Variants in FBXL13 observed in about 807,000 individuals in gnomAD.
The protein encoded by FBXL13 is F-box and leucine-rich repeat protein 13.
A neutral mutation model predicts 83.6 loss-of-function variants in FBXL13; 67 were observed. That is an observed-to-expected ratio of 0.80 (90% CI 0.66 to 0.98). The LOEUF (loss-of-function observed/expected upper bound fraction) is 0.98, where lower values mean the gene tolerates loss of function less well. Ranked by LOEUF, FBXL13 falls within the 50% of genes least tolerant of loss-of-function variation. The pLI, the probability that FBXL13 is intolerant of heterozygous loss-of-function variation, is 0.00. For synonymous variants in FBXL13, 272 were observed against 299.5 expected, an observed-to-expected ratio of 0.91 and a Z score of 0.95; for missense variants, 822 against 866.5, an observed-to-expected ratio of 0.95 and a Z score of 0.64.
At chr7:102,834,065 G>GAAGA in intron 17 of FBXL13, among the ~76,000 whole-genome samples, 1 of 111,302 alleles carries the variant, frequency 9.0e-6, no homozygotes, top group African/African-American at 4.2e-5. Context: ...AGGAAGGAAG[G>GAAGA]AAGGAAGGAA....
chr7:102,930,448 G>A (rs1247099209), intron 9 of FBXL13, among the ~76,000 whole-genome samples: 1 of 152,120 alleles, frequency 6.6e-6, no homozygotes, highest in East Asian at 1.9e-4. Context: ...ATCAGTTTAT[G>A]CCTAATGCCT....
intron 11 of FBXL13, among the ~76,000 whole-genome samples, chr7:102,885,908 C>G (rs1399996851): frequency 6.6e-6 from 1 of 152,110 alleles, no homozygotes; most frequent in Non-Finnish European, 1.5e-5. Flanking sequence ...TCTCAGCACC[C>G]TTTTCAAAAG....
At chr7:103,066,577 T>C (rs1182777148) in intron 1 of FBXL13, among the ~76,000 whole-genome samples, 1 of 151,656 alleles carries the variant, frequency 6.6e-6, no homozygotes, top group Non-Finnish European at 1.5e-5. Flanking sequence ...GTATTTTTAG[T>C]AGAGACGAGG....
exon 18 of FBXL13, chr7:102,832,946 T>C (rs1310590771): frequency 6.2e-7 from 1 of 1,614,154 alleles, no homozygotes; most frequent in Admixed American, 1.7e-5. Context: ...ATCCAAATGT[T>C]CCAAGATCAG....
intron 6 of FBXL13, among the ~76,000 whole-genome samples, chr7:103,023,733 C>T (rs1793496248): frequency 6.6e-6 from 1 of 152,152 alleles, no homozygotes. Flanking sequence ...AAATGCCCAT[C>T]AACAGTAGAC....
chr7:102,834,096 A>AGGAAG (rs1562926018), intron 17 of FBXL13, among the ~76,000 whole-genome samples: 5 of 97,098 alleles, frequency 5.1e-5, no homozygotes, highest in East Asian at 3.1e-4. Context: ...AAAAGAAAGA[A>AGGAAG]AGAAAGAAAG....
At chr7:102,988,256 C>G (rs1829204187) in intron 6 of FBXL13, 1 of 152,228 alleles carries the variant, frequency 6.6e-6, no homozygotes, top group Admixed American at 6.5e-5. Context: ...CTAGCTAGCA[C>G]TGCTTCAATG....
chr7:102,954,113 A>G (rs1042966313), intron 8 of FBXL13, among the ~76,000 whole-genome samples: 13 of 152,164 alleles, frequency 8.5e-5, no homozygotes, highest in African/African-American at 2.9e-4. Flanking sequence ...GGAAAAGCCA[A>G]AGCAGGGCAG....
At chr7:102,896,449 A>G (rs1035014176) in intron 11 of FBXL13, among the ~76,000 whole-genome samples, 2 of 152,202 alleles carry the variant, frequency 1.3e-5, no homozygotes, top group African/African-American at 2.4e-5. Context: ...TGCACTTCCT[A>G]ACAGAGTGGA....
intron 19 of FBXL13, among the ~76,000 whole-genome samples, chr7:102,819,094 C>A (rs1318010035): frequency 6.6e-6 from 1 of 152,084 alleles, no homozygotes; most frequent in Non-Finnish European, 1.5e-5. Flanking sequence ...GCTAACTATA[C>A]AATTAGTGAT....
chr7:102,995,092 G>T (rs1228453298), intron 6 of FBXL13, among the ~76,000 whole-genome samples: 1 of 152,070 alleles, frequency 6.6e-6, no homozygotes. Context: ...TCATGCTATG[G>T]TTTGAGCACT....
At chr7:102,962,293 C>T (rs1757850103) in intron 8 of FBXL13, among the ~76,000 whole-genome samples, 1 of 152,152 alleles carries the variant, frequency 6.6e-6, no homozygotes, top group African/African-American at 2.4e-5. Flanking sequence ...GAGATATCAT[C>T]TCACACTAGT....
chr7:102,824,566 A>G (rs951949128), intron 18 of FBXL13, among the ~76,000 whole-genome samples: 1 of 151,874 alleles, frequency 6.6e-6, no homozygotes, highest in Non-Finnish European at 1.5e-5. Flanking sequence ...GCTCACTGCA[A>G]CCTCTGCCTC....
At chr7:102,883,657 G>A (rs1447441907) in exon 13 of FBXL13, 6 of 1,609,638 alleles carry the variant, frequency 3.7e-6, no homozygotes, top group Middle Eastern at 1.7e-4. Flanking sequence ...AACCAGCGAT[G>A]TAATACGAGA....
chr7:102,867,695 A>ATTTTTTTT lies in FBXL13; in HGVS notation c.1635+9764_1635+9771dup, dbSNP rs1205859622. Among the ~76,000 whole-genome samples the ATTTTTTTT allele has an allele frequency of 5.3e-4, 26 of 49,066 alleles. 3 individuals are homozygous for ATTTTTTTT. Among genetic ancestry groups the ATTTTTTTT allele is most frequent in the African/African-American group, 2.9e-3 (24 of 8,158 alleles). 32.2% of individuals were successfully genotyped at this position (49,066 alleles called of 152,430 possible). A position where few individuals can be genotyped will look rare whatever the true frequency, so the allele number is the denominator to read the frequency against. ...TATATATATATATATATATATATATATTTTTTTTTTTTTTTTTTTTTTTTT... is the reference window on the plus strand; with the variant it reads ...TATATATATATATATATATATATATATTTTTTTTTTTTTTTTTTTTTTTTTTTTTTTTT... On this transcript the variant is annotated intron_variant, in intron 16 of 19. Coordinates refer to ENST00000313221, the Ensembl canonical transcript of FBXL13.
chr7:103,038,310 A>G (rs1285718353), intron 2 of FBXL13, among the ~76,000 whole-genome samples: 1 of 152,224 alleles, frequency 6.6e-6, no homozygotes, highest in Non-Finnish European at 1.5e-5. Context: ...GAGGCCAGGA[A>G]GCACAAACTG....
chr7:102,826,753 A>ATATATATATACATG (rs1799757275), intron 18 of FBXL13, among the ~76,000 whole-genome samples: 1 of 112,254 alleles, frequency 8.9e-6, no homozygotes, highest in Non-Finnish European at 1.8e-5. Context: ...ATATATATAT[A>ATATATATATACATG]TATATATATA....
chr7:102,834,086 A>AAGGAAAAG (rs1562925844), intron 17 of FBXL13, among the ~76,000 whole-genome samples: 14 of 93,692 alleles, frequency 1.5e-4, no homozygotes, highest in Admixed American at 5.0e-4. Flanking sequence ...GGAAGGAAAG[A>AAGGAAAAG]AAAGAAAGAA....
At chr7:102,935,837 C>T (rs1315254068) in intron 8 of FBXL13, among the ~76,000 whole-genome samples, 1 of 152,140 alleles carries the variant, frequency 6.6e-6, no homozygotes, top group South Asian at 2.1e-4. Context: ...ATCATTTCTT[C>T]CACTTATTTT....
Sources: gnomAD v4.1 joint callset for allele counts (sites outside exome capture counted in the v4.1 genomes callset) on GRCh38, gnomAD v4.1.1 for gene constraint, MANE v1.5 for transcripts, NCBI Gene and HGNC (gene_info 2026-07-23, HGNC 2026-07-21) for gene names.